Variants in VTI1A observed in about 807,000 individuals in gnomAD.
VTI1A encodes vesicle transport through interaction with t-SNAREs homolog 1A.
A neutral mutation model predicts 34.9 loss-of-function variants in VTI1A; 22 were observed. That is an observed-to-expected ratio of 0.63 (90% CI 0.45 to 0.90). The LOEUF is 0.90. VTI1A is among the 40% of genes least tolerant of loss of function. The pLI is 0.00. For synonymous variants in VTI1A, 87 were observed against 97.3 expected (o/e 0.89, Z 0.62); for missense variants, 268 against 275.6 (o/e 0.97, Z 0.20).
At chr10:112,646,468 T>C (rs995312042) in intron 5 of VTI1A, among the ~76,000 whole-genome samples, 1 of 151,472 alleles carries the variant, frequency 6.6e-6, no homozygotes, top group African/African-American at 2.4e-5. Flanking sequence ...CATCAGGAAA[T>C]GTGAATTGTG....
intron 5 of VTI1A, among the ~76,000 whole-genome samples, chr10:112,574,640 T>C (rs1246282211): frequency 1.3e-5 from 2 of 152,252 alleles, no homozygotes; most frequent in Non-Finnish European, 2.9e-5. Flanking sequence ...CTAAAGTGCT[T>C]ATTGTTTAAA....
rs1246261107 is a variant in VTI1A at position 112,817,248 on chromosome 10, C to T, written c.*1865C>T. 2.2e-5 allele frequency: 5 copies of T among 232,194 alleles called. No individual in the cohort carries two copies. Among genetic ancestry groups the T allele is most frequent in the Admixed American group, 5.6e-5 (1 of 17,760 alleles). 14.4% of individuals were successfully genotyped at this position (232,194 alleles called of 1,614,324 possible). A position where few individuals can be genotyped will look rare whatever the true frequency, so the allele number is the denominator to read the frequency against. Reference sequence around the variant, plus strand: ...TGTTGATCTTAGCTAAAGTGTATAACCAGTTACCAGCTGCACTTCGCACGG... The same window carrying T: ...TGTTGATCTTAGCTAAAGTGTATAATCAGTTACCAGCTGCACTTCGCACGG... On this transcript the variant is annotated 3_prime_UTR_variant, in exon 8 of 8. Transcript: ENST00000393077.
intron 3 of VTI1A, among the ~76,000 whole-genome samples, chr10:112,479,233 A>G (rs1437076608): frequency 6.6e-6 from 1 of 152,012 alleles, no homozygotes; most frequent in Admixed American, 6.5e-5. Flanking sequence ...AATATATACT[A>G]TATTGAGAGG....
intron 7 of VTI1A, among the ~76,000 whole-genome samples, chr10:112,701,389 G>C (rs550677290): frequency 6.6e-6 from 1 of 152,138 alleles, no homozygotes; most frequent in Admixed American, 6.5e-5. Flanking sequence ...AATTTAGGGG[G>C]GCTCTTCATT....
intron 3 of VTI1A, among the ~76,000 whole-genome samples, chr10:112,503,183 A>G (rs1364635456): frequency 6.6e-6 from 1 of 152,128 alleles, no homozygotes; most frequent in Non-Finnish European, 1.5e-5. Flanking sequence ...TAGTCATTCT[A>G]CTGGTCTATG....
At chr10:112,793,030 A>G (rs944487235) in intron 7 of VTI1A, among the ~76,000 whole-genome samples, 8 of 152,224 alleles carry the variant, frequency 5.3e-5, no homozygotes, top group Non-Finnish European at 8.8e-5. Flanking sequence ...AGGCATCTGC[A>G]GTAATTGTCG....
intron 7 of VTI1A, among the ~76,000 whole-genome samples, chr10:112,763,543 C>A (rs535977555): frequency 6.6e-6 from 1 of 151,762 alleles, no homozygotes; most frequent in South Asian, 2.1e-4. Context: ...GAATTGAGTT[C>A]TTGCTTCTTT....
At chr10:112,573,014 A>G in intron 5 of VTI1A, among the ~76,000 whole-genome samples, 1 of 151,948 alleles carries the variant, frequency 6.6e-6, no homozygotes, top group Non-Finnish European at 1.5e-5. Context: ...TCTCACCACA[A>G]TACTAGATAA....
chr10:112,737,880 C>T (rs1005149243), intron 7 of VTI1A: 16 of 1,061,992 alleles, frequency 1.5e-5, no homozygotes, highest in Non-Finnish European at 1.8e-5. Context: ...GCCGTAGGAT[C>T]GATGCCTTTC....
At chr10:112,658,507 C>T (rs185904967) in intron 5 of VTI1A, among the ~76,000 whole-genome samples, 1 of 152,118 alleles carries the variant, frequency 6.6e-6, no homozygotes, top group East Asian at 1.9e-4. Context: ...ACAAAAATTT[C>T]CTGAGCACCT....
intron 7 of VTI1A, among the ~76,000 whole-genome samples, chr10:112,806,123 C>T (rs546248694): frequency 1.3e-5 from 2 of 152,178 alleles, no homozygotes; most frequent in South Asian, 2.1e-4. Flanking sequence ...AGAAAGTGCT[C>T]ATCTCCCTGC....
At position 112,463,605 on chromosome 10, in the gene VTI1A, G is replaced by C. The variant is rs76467344; in HGVS notation, c.154-942G>C. Among the ~76,000 whole-genome samples the C allele has an allele frequency of 6.4e-3, 964 of 151,514 alleles. 6 individuals carry two copies. The highest frequency in any genetic ancestry group is 0.023 in the African/African-American group (931 of 41,200). On this transcript the variant is annotated intron_variant, in intron 2 of 7. Transcript: ENST00000393077. Reference sequence around the variant, plus strand: ...TAAACTCTTCTGTGTTGTATCCAAAGTGTTATCTGATAGCAGGTTGTTAAA... The same window carrying C: ...TAAACTCTTCTGTGTTGTATCCAAACTGTTATCTGATAGCAGGTTGTTAAA...
chr10:112,759,281 T>C (rs1265966643), intron 7 of VTI1A, among the ~76,000 whole-genome samples: 4 of 152,142 alleles, frequency 2.6e-5, no homozygotes, highest in Non-Finnish European at 5.9e-5. Context: ...ATCAAGATAG[T>C]GTAAAAATGG....
intron 7 of VTI1A, among the ~76,000 whole-genome samples, chr10:112,776,087 GC>G (rs1230187834): frequency 6.6e-6 from 1 of 152,204 alleles, no homozygotes; most frequent in African/African-American, 2.4e-5. Context: ...ATTGATTGTG[GC>G]CCCGAGGGTA....
At chr10:112,727,315 T>C (rs1214907473) in intron 7 of VTI1A, among the ~76,000 whole-genome samples, 2 of 152,176 alleles carry the variant, frequency 1.3e-5, no homozygotes, top group Non-Finnish European at 2.9e-5. Context: ...AAAGTATACC[T>C]AGAACAAGGC....
rs148376594 is a variant in VTI1A, at chr10:112,780,960, A to AAT, written c.561-34317_561-34316dup. 1.9e-3 allele frequency among the ~76,000 whole-genome samples: 284 copies of AAT among 151,624 alleles called. 2 individuals carry two copies. Among genetic ancestry groups the AAT allele is most frequent in the African/African-American group, 6.6e-3 (275 of 41,376 alleles). On this transcript the variant is annotated intron_variant, in intron 7 of 7. Transcript: ENST00000393077. ...GTTTTTAACCTAGCGCATTCTTCAGAATATATATATATATTTTTTGACGAA... is the reference window on the plus strand; with the variant it reads ...GTTTTTAACCTAGCGCATTCTTCAGAATATATATATATATATTTTTTGACGAA...
At chr10:112,613,274 C>T (rs1325470863) in intron 5 of VTI1A, among the ~76,000 whole-genome samples, 4 of 152,070 alleles carry the variant, frequency 2.6e-5, no homozygotes, top group Non-Finnish European at 5.9e-5. Context: ...GTGCATCTTT[C>T]GTGAAGGTTA....
At chr10:112,807,853 C>A (rs1319023440) in intron 7 of VTI1A, among the ~76,000 whole-genome samples, 1 of 149,902 alleles carries the variant, frequency 6.7e-6, no homozygotes, top group African/African-American at 2.5e-5. Context: ...AACTCCGTCT[C>A]AAAAAAAATA....
At chr10:112,735,982 A>T (rs1850437021) in intron 7 of VTI1A, among the ~76,000 whole-genome samples, 1 of 150,264 alleles carries the variant, frequency 6.7e-6, no homozygotes, top group Non-Finnish European at 1.5e-5. Context: ...CTTTGTTCTG[A>T]GTGGTGAAAT....
Sources: gnomAD v4.1 joint callset for allele counts (sites outside exome capture counted in the v4.1 genomes callset) on GRCh38, gnomAD v4.1.1 for gene constraint, MANE v1.5 for transcripts, NCBI Gene and HGNC (gene_info 2026-07-23, HGNC 2026-07-21) for gene names.